Variants in LATS1 observed in about 807,000 individuals in gnomAD.
The protein encoded by LATS1 is large tumor suppressor kinase 1.
A neutral mutation model predicts 106.6 loss-of-function variants in LATS1; 25 were observed. That is an observed-to-expected ratio of 0.23 (90% CI 0.17 to 0.33). The LOEUF (loss-of-function observed/expected upper bound fraction) is 0.33, where lower values mean the gene tolerates loss of function less well. Among genes scored for constraint, LATS1 ranks in the 10% least tolerant of loss-of-function variants. LATS1 has a pLI of 1.00. For synonymous variants in LATS1, 465 were observed against 455.6 expected (o/e 1.02, Z -0.26); for missense variants, 1,040 against 1,382.6 (o/e 0.75, Z 3.93).
At chr6:149,692,259 G>T (rs1364462119) in intron 3 of LATS1, among the ~76,000 whole-genome samples, 1 of 152,142 alleles carries the variant, frequency 6.6e-6, no homozygotes, top group Admixed American at 6.5e-5. Flanking sequence ...CCTGTGTTCA[G>T]TGCTCCAAAC....
Position 149,680,275 on chromosome 6 carries a change from A to G in LATS1, c.2193T>C (p.Tyr731=), listed in dbSNP as rs1562328938. 6.2e-7 allele frequency: 1 copy of G among 1,613,888 alleles called. No individual in the cohort carries two copies. The highest frequency in any genetic ancestry group is 2.2e-5 in the East Asian group (1 of 44,878). ...CTTTCTTTCGAAGAGTTTTTGTTGC[A>G]TACAAAGCCTTAGTATCTACTTTTC... ...LARKVDTKAL[Y]ATKTLRKKDV... is the part of the protein sequence containing the mutation. Residue 731 remains tyrosine (Y), a synonymous_variant, in exon 5 of 8, where the codon TAT becomes TAC. Coordinates refer to ENST00000543571, the MANE Select transcript of LATS1 (RefSeq NM_004690.4).
In LATS1 at chr6:149,683,679, T is replaced by C. The variant is rs746089999; in HGVS notation, c.1410A>G (p.Gly470=). The change falls in exon 4 of 8, where the codon GGA becomes GGG. Residue 470 remains glycine, a synonymous_variant. Transcript: ENST00000543571. ...VRSNSFNNPL[G]NRASHSANSQ... is the part of the protein sequence containing the mutation. ...AATTAGCAGAGTGACTTGCTCTATTTCCTAATGGGTTATTAAAAGAATTTG... is the reference window on the plus strand; with the variant it reads ...AATTAGCAGAGTGACTTGCTCTATTCCCTAATGGGTTATTAAAAGAATTTG... 3 of 1,614,170 alleles carry C rather than the reference T, an allele frequency of 1.9e-6. No homozygotes were observed. Among genetic ancestry groups the C allele is most frequent in the Non-Finnish European group, 2.5e-6 (3 of 1,180,026 alleles).
rs951423891 is a variant in LATS1 at position 149,711,922 on chromosome 6, G to GT, written c.-141+5926dup. ...GGCCCTTGTGTACTGCGGTGAGTGA[G>GT]TAAGGGGAAAAGAAAAGGAAGGGAG... On this transcript the variant is annotated intron_variant, in intron 1 of 7. Coordinates refer to ENST00000543571, the MANE Select transcript of LATS1 (RefSeq NM_004690.4). Among the ~76,000 whole-genome samples, 12 of 152,050 alleles carry GT rather than the reference G, an allele frequency of 7.9e-5. 1 individual carries two copies. Among genetic ancestry groups the GT allele is most frequent in the Admixed American group, 7.9e-4 (12 of 15,258 alleles).
intron 1 of LATS1, among the ~76,000 whole-genome samples, chr6:149,713,080 G>C (rs1028500993): frequency 1.3e-5 from 2 of 152,220 alleles, no homozygotes; most frequent in Admixed American, 6.5e-5. Context: ...AGCTAGCTGA[G>C]AAAGATGTGT....
At chr6:149,707,107 C>T (rs1783823786) in intron 1 of LATS1, among the ~76,000 whole-genome samples, 1 of 150,314 alleles carries the variant, frequency 6.7e-6, no homozygotes, top group African/African-American at 2.5e-5. Flanking sequence ...CCTCTGCCTC[C>T]CTGGTTCAAG....
chr6:149,677,340 A>G (rs1487129250), intron 5 of LATS1, among the ~76,000 whole-genome samples: 1 of 152,226 alleles, frequency 6.6e-6, no homozygotes, highest in Non-Finnish European at 1.5e-5. Context: ...GGTATTCCAC[A>G]CAGAAATAAC....
At chr6:149,671,845 A>C (rs970846168) in intron 7 of LATS1, among the ~76,000 whole-genome samples, 2 of 152,014 alleles carry the variant, frequency 1.3e-5, no homozygotes, top group African/African-American at 4.8e-5. Flanking sequence ...TAACTCTTCC[A>C]ATCAATGAAC....
intron 3 of LATS1, among the ~76,000 whole-genome samples, chr6:149,691,024 C>G (rs1782718266): frequency 6.6e-6 from 1 of 151,940 alleles, no homozygotes; most frequent in Non-Finnish European, 1.5e-5. Flanking sequence ...TACTACATAT[C>G]CTATTTAGTC....
At chr6:149,698,774 C>T (rs1783263699) in intron 2 of LATS1, among the ~76,000 whole-genome samples, 1 of 151,734 alleles carries the variant, frequency 6.6e-6, no homozygotes, top group Non-Finnish European at 1.5e-5. Flanking sequence ...ATTGGCCAGG[C>T]TGGTCTCGAA....
At chr6:149,709,057 G>C (rs536606516) in intron 1 of LATS1, among the ~76,000 whole-genome samples, 5 of 152,110 alleles carry the variant, frequency 3.3e-5, no homozygotes, top group Non-Finnish European at 7.4e-5. Flanking sequence ...ACTGGAGGTG[G>C]GCTAACTGAT....
chr6:149,676,673 T>A lies in LATS1; in HGVS notation c.2658A>T (p.Arg886=), dbSNP rs932457711. ...SNEWGDPSSC[R]CGDRLKPLER... is the part of the protein sequence containing the mutation. ...CTAATGGCTTCAGTCTGTCTCCACA[T>A]CGACAGCTTGAGGGATCCCCCCATT... is the stretch of plus-strand genomic sequence containing the variant. Residue 886 remains arginine (R), a synonymous_variant, in exon 6 of 8, where the codon CGA becomes CGT. Coordinates refer to ENST00000543571, the MANE Select transcript of LATS1 (RefSeq NM_004690.4). 42 of 1,614,120 alleles carry A rather than the reference T, an allele frequency of 2.6e-5. No individual in the cohort carries two copies. Among genetic ancestry groups the A allele is most frequent in the Non-Finnish European group, 3.6e-5 (42 of 1,180,002 alleles).
At chr6:149,678,206 T>C (rs1156862537) in intron 5 of LATS1, among the ~76,000 whole-genome samples, 1 of 121,096 alleles carries the variant, frequency 8.3e-6, no homozygotes, top group Non-Finnish European at 1.7e-5. Flanking sequence ...TAGCCGGGCG[T>C]GGTTGCCGGC....
rs568595993 is a variant in LATS1 at position 149,660,149 on chromosome 6, T to C, written c.*1580A>G. 4.3e-6 allele frequency: 1 copy of C among 232,606 alleles called. No homozygotes were observed. The highest frequency in any genetic ancestry group is 8.5e-6 in the Non-Finnish European group (1 of 117,746). The allele number at this position is 232,606 out of a possible 1,614,324, so 14.4% of individuals were successfully genotyped here. On this transcript the variant is annotated 3_prime_UTR_variant, in exon 8 of 8. Transcript: ENST00000543571. ...CCTTGAAACTGCATGCAACATTGTA[T>C]GTGTATGTGTGGTTTTTTTTTCTAG...
intron 5 of LATS1, among the ~76,000 whole-genome samples, chr6:149,678,189 A>AAAAAAAAAAAC (rs1781835984): frequency 6.8e-6 from 1 of 147,712 alleles, no homozygotes; most frequent in South Asian, 2.2e-4. Flanking sequence ...AAAAAAAAAA[A>AAAAAAAAAAAC]AAAAAATAGC....
At chr6:149,693,350 A>G (rs1359491905) in intron 3 of LATS1, among the ~76,000 whole-genome samples, 3 of 148,738 alleles carry the variant, frequency 2.0e-5, no homozygotes, top group East Asian at 2.1e-4. Context: ...GGTGGCTCAT[A>G]CCTGTAATCC....
intron 7 of LATS1, among the ~76,000 whole-genome samples, chr6:149,663,911 G>A (rs996895202): frequency 1.3e-5 from 2 of 151,458 alleles, no homozygotes; most frequent in Non-Finnish European, 2.9e-5. Flanking sequence ...GGTTTCAAGC[G>A]ATTCTCCTGC....
At chr6:149,704,928 A>ACACACACACACAC (rs1582918935) in intron 1 of LATS1, among the ~76,000 whole-genome samples, 2 of 141,348 alleles carry the variant, frequency 1.4e-5, no homozygotes, top group African/African-American at 5.1e-5. Context: ...ACACACACAC[A>ACACACACACACAC]ATTTGCAGCA....
intron 2 of LATS1, among the ~76,000 whole-genome samples, chr6:149,698,292 G>A (rs1372708936): frequency 1.3e-5 from 2 of 151,096 alleles, no homozygotes; most frequent in Admixed American, 6.6e-5. Context: ...TGCCCAGGCT[G>A]GAGTGCAGTG....
At chr6:149,715,312 G>A (rs1784325095) in intron 1 of LATS1, among the ~76,000 whole-genome samples, 1 of 152,012 alleles carries the variant, frequency 6.6e-6, no homozygotes, top group East Asian at 1.9e-4. Flanking sequence ...CAGGTAATCC[G>A]CCCTCCTTGG....
Sources: gnomAD v4.1 joint callset for allele counts (sites outside exome capture counted in the v4.1 genomes callset) on GRCh38, gnomAD v4.1.1 for gene constraint, MANE v1.5 for transcripts, NCBI Gene and HGNC (gene_info 2026-07-23, HGNC 2026-07-21) for gene names.